XDH: variants seen among roughly 807,000 people sequenced by gnomAD.
The protein encoded by XDH is xanthine dehydrogenase/oxidase.
A neutral mutation model predicts 156.1 loss-of-function variants in XDH; 138 were observed. The observed-to-expected ratio is 0.88, with a 90% confidence interval of 0.77 to 1.02. XDH has a LOEUF of 1.02. Among genes scored for constraint, XDH ranks in the 50% least tolerant of loss-of-function variants. XDH has a pLI of 0.00. For missense variants in XDH, 1,849 were observed against 1,684.9 expected (o/e 1.10, Z -1.71); for synonymous variants, 669 against 625.7 (o/e 1.07, Z -1.03).
chr2:31,368,793 C>G lies in XDH; in HGVS notation c.1981-133G>C. 23 of 1,521,324 alleles carry G rather than the reference C, an allele frequency of 1.5e-5. No individual in the cohort carries two copies. In the South Asian group the frequency reaches 2.6e-4, roughly 17 times the overall value. 94.2% of individuals were successfully genotyped at this position (1,521,324 alleles called of 1,614,324 possible). ...GCACACTTTAGGAATGCCCTAGGGC[C>G]TCTTAATTTCCTTATCCTACTGATT... is the stretch of plus-strand genomic sequence containing the variant. On this transcript the variant is annotated intron_variant, in intron 18 of 35. Coordinates refer to ENST00000379416, the MANE Select transcript of XDH (RefSeq NM_000379.4).
chr2:31,405,933 G>A lies in XDH; in HGVS notation c.74C>T (p.Thr25Ile), dbSNP rs530276422. The change falls in exon 2 of 36, where the codon ACC (threonine) becomes ATC (isoleucine). Residue 25 changes from threonine (T) to isoleucine (I), a missense_variant. Transcript: ENST00000379416. ...VVEKNADPETTLLAYLRRKLG... is the reference protein window; with the variant it reads ...VVEKNADPETILLAYLRRKLG... Reference sequence around the variant, plus strand: ...CTTTCTTCTCAGGTAGGCCAAAAGGGTTGTCTCTGGATCTGCATTTTTCTC... The same window carrying A: ...CTTTCTTCTCAGGTAGGCCAAAAGGATTGTCTCTGGATCTGCATTTTTCTC... 1.2e-6 allele frequency: 2 copies of A among 1,614,076 alleles called. No homozygotes were observed. The highest frequency in any genetic ancestry group is 1.1e-5 in the South Asian group (1 of 91,080).
intron 27 of XDH, 130 bp downstream of exon 27, chr2:31,348,769 T>C (rs776604964): frequency 4.8e-6 from 4 of 837,446 alleles, no homozygotes; most frequent in Non-Finnish European, 8.0e-6. Context: ...GACTTTCATT[T>C]AAAGAGCAAA....
chr2:31,347,586 G>A lies in XDH; in HGVS notation c.3212C>T (p.Thr1071Ile), dbSNP rs1187181909. 4.3e-6 allele frequency: 7 copies of A among 1,614,200 alleles called. No individual in the cohort carries two copies. Among genetic ancestry groups the A allele is most frequent in the Non-Finnish European group, 5.9e-6 (7 of 1,180,032 alleles). Reference sequence around the variant, plus strand: ...AGCCGTGGGAGAGGTGTTGGGCACAGTGTTAGTGCTTGTCTCGCTGATATA... The same window carrying A: ...AGCCGTGGGAGAGGTGTTGGGCACAATGTTAGTGCTTGTCTCGCTGATATA... ...KIYISETSTN[T>I]VPNTSPTAAS... Residue 1071 changes from threonine (T) to isoleucine (I), a missense_variant, in exon 29 of 36, where the codon ACT becomes ATT. Transcript: ENST00000379416.
chr2:31,386,674 AG>A, intron 8 of XDH, 119 bp from the exon 9 acceptor site: 1 of 1,354,088 alleles, frequency 7.4e-7, no homozygotes, highest in Non-Finnish European at 1.0e-6. Context: ...AATATCTAAC[AG>A]GAAGAAGCAA....
intron 17 of XDH, 51 bp from the exon 18 acceptor site, chr2:31,370,529 A>AC (rs1339061258): frequency 1.9e-6 from 3 of 1,610,742 alleles, no homozygotes; most frequent in Middle Eastern, 1.7e-4. Context: ...GGAGCAGGGG[A>AC]CCCATCACCT....
chr2:31,360,326 C>T (rs956392415), intron 24 of XDH, among the ~76,000 whole-genome samples: 6 of 152,046 alleles, frequency 3.9e-5, no homozygotes, highest in Middle Eastern at 3.2e-3. Flanking sequence ...GGTGAAACCC[C>T]GTCTCTACTA....
chr2:31,387,270 G>T (rs111621974), intron 8 of XDH, among the ~76,000 whole-genome samples: 1 of 152,146 alleles, frequency 6.6e-6, no homozygotes, highest in African/African-American at 2.4e-5. Flanking sequence ...CAAAAACTCC[G>T]AGTGGCTTGA....
At chr2:31,341,501 C>T (rs532328941) in intron 32 of XDH, 107 bp from the exon 33 acceptor site, 6 of 1,164,732 alleles carry the variant, frequency 5.2e-6, no homozygotes, top group South Asian at 4.0e-5. Flanking sequence ...CCAAAGAGTA[C>T]GTTCCCAAGC....
intron 17 of XDH, among the ~76,000 whole-genome samples, chr2:31,371,336 G>A (rs1266458859): frequency 6.6e-6 from 1 of 152,142 alleles, no homozygotes; most frequent in Non-Finnish European, 1.5e-5. Context: ...TTTATGTTTG[G>A]GGAAACTCAG....
chr2:31,379,281 G>C (rs45520334), intron 13 of XDH, among the ~76,000 whole-genome samples: 2 of 152,122 alleles, frequency 1.3e-5, no homozygotes, highest in African/African-American at 2.4e-5. Flanking sequence ...GAATCCATCC[G>C]CACCAATCCA....
chr2:31,375,685 G>T, intron 14 of XDH, 131 bp from the exon 15 acceptor site: 1 of 939,492 alleles, frequency 1.1e-6, no homozygotes, highest in Non-Finnish European at 1.6e-6. Context: ...CTTAGAGTTG[G>T]GTGACTTTAG....
intron 24 of XDH, among the ~76,000 whole-genome samples, chr2:31,354,530 T>G (rs1384294184): frequency 6.6e-6 from 1 of 152,130 alleles, no homozygotes; most frequent in Non-Finnish European, 1.5e-5. Flanking sequence ...TGAACACACT[T>G]GACAGAAATA....
In XDH at chr2:31,334,363, C is replaced by T. The variant is rs1684921464; in HGVS notation, c.*1595G>A. 1 of 152,148 alleles carries T rather than the reference C, an allele frequency of 6.6e-6. No individual in the cohort carries two copies. Among genetic ancestry groups the T allele is most frequent in the African/African-American group, 2.4e-5 (1 of 41,418 alleles). 9.4% of individuals were successfully genotyped at this position (152,148 alleles called of 1,614,324 possible). On this transcript the variant is annotated 3_prime_UTR_variant, in exon 36 of 36. Transcript: ENST00000379416. ...TTATTAGTGACATCAAGCACCAGTC[C>T]AACTATATCATTTCCACTATCCTCC...
In XDH at chr2:31,409,683, T is replaced by C. The variant is rs979605410; in HGVS notation, c.43-3719A>G. 3.3e-5 allele frequency among the ~76,000 whole-genome samples: 5 copies of C among 152,362 alleles called. No homozygotes were observed. In the South Asian group the frequency reaches 1.0e-3, roughly 32 times the overall value. On this transcript the variant is annotated intron_variant, in intron 1 of 35. Coordinates refer to ENST00000379416, the MANE Select transcript of XDH (RefSeq NM_000379.4). Reference sequence around the variant, plus strand: ...CACTAATCAGAACTATAATGAGATTTCACCTCATACCCATTAGGATAGCTA... The same window carrying C: ...CACTAATCAGAACTATAATGAGATTCCACCTCATACCCATTAGGATAGCTA...
At chr2:31,407,586 C>T (rs1373612487) in intron 1 of XDH, among the ~76,000 whole-genome samples, 1 of 152,072 alleles carries the variant, frequency 6.6e-6, no homozygotes. Flanking sequence ...CCTTGAAGAT[C>T]CTTGAAAGCC....
chr2:31,404,132 G>A (rs1219313040), intron 2 of XDH, among the ~76,000 whole-genome samples: 1 of 152,146 alleles, frequency 6.6e-6, no homozygotes, highest in Non-Finnish European at 1.5e-5. Flanking sequence ...CACACAAGAT[G>A]ACACAGGAAC....
chr2:31,362,097 G>A (rs920515430), intron 24 of XDH, among the ~76,000 whole-genome samples: 4 of 151,944 alleles, frequency 2.6e-5, no homozygotes, highest in African/African-American at 9.7e-5. Context: ...TTACAAATGA[G>A]CACAGGACTG....
At chr2:31,383,727 C>T in intron 10 of XDH, 28 bp downstream of exon 10, 2 of 1,607,630 alleles carry the variant, frequency 1.2e-6, no homozygotes, top group Non-Finnish European at 1.7e-6. Context: ...ACAGCCCCTC[C>T]ATAAGCTTGG....
In XDH at chr2:31,364,249, T is replaced by A. The variant is rs769448916; in HGVS notation, c.2545-5A>T. On this transcript the variant is annotated splice_polypyrimidine_tract_variant and splice_region_variant and intron_variant, in intron 23 of 35. Coordinates refer to ENST00000379416, the MANE Select transcript of XDH (RefSeq NM_000379.4). ...CCCAGTCTTCATGAAGCCAACCTGA[T>A]AAAAGGAGAAAGGAGAGGGATTTAT... 1.2e-6 allele frequency: 2 copies of A among 1,614,046 alleles called. No individual in the cohort carries two copies. The highest frequency in any genetic ancestry group is 2.2e-5 in the South Asian group (2 of 91,080).
Sources: allele counts gnomAD v4.1 joint callset (sites outside exome capture counted in the v4.1 genomes callset), GRCh38; gene constraint gnomAD v4.1.1; transcripts MANE v1.5; gene names NCBI Gene and HGNC (gene_info 2026-07-23, HGNC 2026-07-21).